DSCAM: variants seen among roughly 807,000 people sequenced by gnomAD.
The protein encoded by DSCAM is cell adhesion molecule DSCAM.
Under a neutral mutation model 217.7 loss-of-function variants are expected in DSCAM, and 47 were observed. The ratio of observed to expected loss-of-function variants is 0.22; its 90% CI spans 0.17 to 0.28. DSCAM has a LOEUF of 0.28. Among genes scored for constraint, DSCAM ranks in the 10% least tolerant of loss-of-function variants. DSCAM has a pLI of 1.00. For missense variants in DSCAM, 2,080 were observed against 2,618.3 expected (o/e 0.79, Z 4.49); for synonymous variants, 1,056 against 1,015.3 (o/e 1.04, Z -0.76).
chr21:40,738,333 T>C (rs1025299764), intron 1 of DSCAM, among the ~76,000 whole-genome samples: 2 of 152,088 alleles, frequency 1.3e-5, no homozygotes, highest in Non-Finnish European at 2.9e-5. Flanking sequence ...TGGGAAAGAG[T>C]TGCATCAGGG....
In DSCAM at chr21:40,743,633, T is replaced by C. The variant is rs1242597381; in HGVS notation, c.44-34862A>G. 2.6e-5 allele frequency among the ~76,000 whole-genome samples: 4 copies of C among 152,150 alleles called. No individual in the cohort carries two copies. In the South Asian group the frequency reaches 6.2e-4, roughly 24 times the overall value. ...TATTTTAAAAAATTAAAATTTGAGA[T>C]AAAGAAGTACATTTAAAAAAAAATT... On this transcript the variant is annotated intron_variant, in intron 1 of 32. Coordinates refer to ENST00000400454, the MANE Select transcript of DSCAM (RefSeq NM_001389.5).
At chr21:40,516,499 C>T (rs2146075065) in intron 3 of DSCAM, among the ~76,000 whole-genome samples, 1 of 152,282 alleles carries the variant, frequency 6.6e-6, no homozygotes, top group African/African-American at 2.4e-5. Flanking sequence ...TAATGCCTCT[C>T]TCCATGGGGC....
chr21:40,480,409 A>G (rs191491970), intron 3 of DSCAM, among the ~76,000 whole-genome samples: 1 of 152,290 alleles, frequency 6.6e-6, no homozygotes, highest in Admixed American at 6.5e-5. Context: ...TGAACAAATA[A>G]CAGGTCAGAG....
chr21:40,122,480 T>G (rs1313436510), intron 20 of DSCAM, among the ~76,000 whole-genome samples: 3 of 152,070 alleles, frequency 2.0e-5, no homozygotes, highest in Non-Finnish European at 4.4e-5. Context: ...GGAAAATGAG[T>G]ATACTTTATT....
intron 21 of DSCAM, among the ~76,000 whole-genome samples, chr21:40,092,081 T>A (rs529066846): frequency 6.6e-6 from 1 of 152,320 alleles, no homozygotes. Context: ...AAACCCTGTT[T>A]TCTTTTCCCT....
At chr21:40,082,135 C>T (rs2089471140) in intron 24 of DSCAM, among the ~76,000 whole-genome samples, 1 of 152,140 alleles carries the variant, frequency 6.6e-6, no homozygotes, top group Admixed American at 6.5e-5. Context: ...ATCTGTGATC[C>T]ACTTTTCTTC....
chr21:40,142,701 G>A lies in DSCAM; in HGVS notation c.3263C>T (p.Pro1088Leu). ...EIITTTLEDV[P>L]SYPPENVQAI... Reference sequence around the variant, plus strand: ...TTGGACATTTTCGGGGGGGTAACTGGGCACTGAAATCAAATAATTAGAATC... The same window carrying A: ...TTGGACATTTTCGGGGGGGTAACTGAGCACTGAAATCAAATAATTAGAATC... Residue 1088 changes from proline (P) to leucine (L), a missense_variant, in exon 18 of 33, where the codon CCC becomes CTC. Physicochemically the swap from Pro to Leu is moderately conservative, Grantham distance 98. Transcript: ENST00000400454. 2.5e-6 allele frequency: 4 copies of A among 1,613,546 alleles called. No individual in the cohort carries two copies. Among genetic ancestry groups the A allele is most frequent in the Non-Finnish European group, 3.4e-6 (4 of 1,179,688 alleles).
At chr21:40,683,299 T>C (rs912778293) in intron 3 of DSCAM, among the ~76,000 whole-genome samples, 4 of 152,226 alleles carry the variant, frequency 2.6e-5, no homozygotes, top group East Asian at 1.9e-4. Context: ...TTGGAAGTCA[T>C]GGGTGATCTT....
chr21:40,675,390 T>C (rs201480720), intron 3 of DSCAM, among the ~76,000 whole-genome samples: 1 of 141,588 alleles, frequency 7.1e-6, no homozygotes, highest in Non-Finnish European at 1.6e-5. Flanking sequence ...AAATGTATAC[T>C]TGGGCCTATT....
intron 11 of DSCAM, among the ~76,000 whole-genome samples, chr21:40,213,179 C>G (rs1182052603): frequency 6.6e-6 from 1 of 152,206 alleles, no homozygotes; most frequent in Non-Finnish European, 1.5e-5. Flanking sequence ...TTTCACAAAA[C>G]TTTTACTTAT....
chr21:40,610,587 A>G (rs1176272406), intron 3 of DSCAM, among the ~76,000 whole-genome samples: 1 of 152,110 alleles, frequency 6.6e-6, no homozygotes, highest in African/African-American at 2.4e-5. Flanking sequence ...GTCTGATTCC[A>G]TCCCCTCCCC....
chr21:40,793,600 T>C (rs2091665854), intron 1 of DSCAM, among the ~76,000 whole-genome samples: 2 of 152,030 alleles, frequency 1.3e-5, no homozygotes, highest in South Asian at 4.2e-4. Flanking sequence ...CAATGATTCT[T>C]CTGCCTCAGC....
intron 12 of DSCAM, among the ~76,000 whole-genome samples, 159 bp from the exon 13 acceptor site, chr21:40,188,146 T>C (rs986158757): frequency 6.6e-6 from 1 of 151,848 alleles, no homozygotes; most frequent in Non-Finnish European, 1.5e-5. Flanking sequence ...CCCCCATTCC[T>C]CCAGACTCAC....
At chr21:40,195,568 C>T (rs1204915765) in intron 11 of DSCAM, among the ~76,000 whole-genome samples, 2 of 152,160 alleles carry the variant, frequency 1.3e-5, no homozygotes, top group Admixed American at 6.5e-5. Context: ...TAGGAGATGG[C>T]CAACTGTCCC....
chr21:40,629,088 T>TG (rs1555873894), intron 3 of DSCAM, among the ~76,000 whole-genome samples: 1 of 13,282 alleles, frequency 7.5e-5, no homozygotes, highest in Non-Finnish European at 3.4e-4. Flanking sequence ...TGTGTGTGTG[T>TG]GTGTGTGTGT....
intron 11 of DSCAM, among the ~76,000 whole-genome samples, chr21:40,240,349 GTTTTTTTTTTTT>G (rs749073872): frequency 1.4e-4 from 8 of 57,732 alleles, no homozygotes; most frequent in South Asian, 1.0e-3. Context: ...TTCCTCACTG[GTTTTTTTTTTTT>G]TTTTTTTTTT....
chr21:40,350,905 T>TTTTTTTA (rs61391000), intron 5 of DSCAM, among the ~76,000 whole-genome samples: 1 of 142,884 alleles, frequency 7.0e-6, no homozygotes, highest in African/African-American at 2.7e-5. Flanking sequence ...TTTTTTTTTT[T>TTTTTTTA]AGAATTGGGG....
chr21:40,260,040 TTAAC>T (rs1440794899), intron 11 of DSCAM, among the ~76,000 whole-genome samples: 1 of 152,204 alleles, frequency 6.6e-6, no homozygotes, highest in African/African-American at 2.4e-5. Context: ...TCAGCCATTC[TTAAC>T]TAACAATGCT....
At chr21:40,637,226 T>A (rs1329061398) in intron 3 of DSCAM, among the ~76,000 whole-genome samples, 1 of 3,750 alleles carries the variant, frequency 2.7e-4, no homozygotes, top group Non-Finnish European at 3.4e-4. Flanking sequence ...AATATAAATA[T>A]ATATATATAA....
Sources: gnomAD v4.1 joint callset for allele counts (sites outside exome capture counted in the v4.1 genomes callset) on GRCh38, gnomAD v4.1.1 for gene constraint, MANE v1.5 for transcripts, NCBI Gene and HGNC (gene_info 2026-07-23, HGNC 2026-07-21) for gene names.